Variants in ZNF107 observed in about 807,000 individuals in gnomAD.
The protein encoded by ZNF107 is C2H2 type zinc-finger protein.
ZNF107 carries 19 observed loss-of-function variants against 12.3 expected under a neutral mutation model. The ratio of observed to expected loss-of-function variants is 1.55; its 90% CI spans 1.08 to 2.27. ZNF107 has a LOEUF of 2.27. Ranked by LOEUF, ZNF107 falls within the 30% of genes most tolerant of loss-of-function variation. The probability of loss-of-function intolerance (pLI) is 0.00; values close to 1 mark genes in which losing one functional copy is unlikely to be tolerated. For synonymous variants in ZNF107, 317 were observed against 330.5 expected (o/e 0.96, Z 0.44); for missense variants, 958 against 979.9 (o/e 0.98, Z 0.30).
chr7:64,686,861 G>C, intron 1 of ZNF107: 1 of 982,020 alleles, frequency 1.0e-6, no homozygotes, highest in Non-Finnish European at 1.2e-6. Flanking sequence ...TAACACCCAA[G>C]TGAATAAACG....
Position 64,710,495 on chromosome 7 carries a change from T to C in ZNF107, c.*1839T>C, listed in dbSNP as rs934025122. On this transcript the variant is annotated 3_prime_UTR_variant, in exon 4 of 4. Transcript: ENST00000620827. ...ATCTAAGGTACTGACACTTCAGACA[T>C]TGCTGAGTATAGAATCAGAATGCTG... 2 of 152,182 alleles carry C rather than the reference T, an allele frequency of 1.3e-5. No homozygotes were observed. The highest frequency in any genetic ancestry group is 4.8e-5 in the African/African-American group (2 of 41,458). The allele number at this position is 152,182 out of a possible 1,614,324, so 9.4% of individuals were successfully genotyped here.
chr7:64,671,780 T>C (rs983805167), intron 1 of ZNF107, among the ~76,000 whole-genome samples: 1 of 109,688 alleles, frequency 9.1e-6, no homozygotes, highest in Non-Finnish European at 1.8e-5. Context: ...CTTTTTGTTC[T>C]TTTTTTTTTT....
At position 64,707,105 on chromosome 7, in the gene ZNF107, TG is replaced by T; in HGVS notation, c.1012del (p.Glu338ArgfsTer45). The part of the protein sequence containing the change: ...NLTNHKRIHA[G>X]EKPYKCKECG... ...TTACTAACCATAAGAGAATTCATGC[TG>T]GGGAGAAACCCTACAAATGTAAAGA... is the stretch of plus-strand genomic sequence containing the variant. On this transcript the variant is annotated frameshift_variant, in exon 4 of 4. Coordinates refer to ENST00000620827, the MANE Select transcript of ZNF107 (RefSeq NM_001282359.2). LOFTEE classifies it low-confidence loss of function (END_TRUNC). 2 of 1,612,626 alleles carry T rather than the reference TG, an allele frequency of 1.2e-6. No homozygotes were observed. Among genetic ancestry groups the T allele is most frequent in the Non-Finnish European group, 1.7e-6 (2 of 1,179,528 alleles).
intron 1 of ZNF107, chr7:64,679,053 T>C (rs1161414017): frequency 6.2e-6 from 1 of 162,346 alleles, no homozygotes; most frequent in Non-Finnish European, 1.3e-5. Flanking sequence ...GAACCTTACT[T>C]TGTGTTATGG....
rs1004013629 is a variant in ZNF107 at position 64,699,470 on chromosome 7, G to C, written c.227-6854G>C. ...GGATCTTACTCTCACCCAGGCTAAA[G>C]TGCAGTGGTATGATGGCATGACTGG... On this transcript the variant is annotated intron_variant, in intron 3 of 3. Transcript: ENST00000620827. Among the ~76,000 whole-genome samples the C allele has an allele frequency of 3.3e-5, 5 of 152,154 alleles. No individual in the cohort carries two copies. The South Asian group carries it at 1.0e-3, about 32-fold the overall frequency.
chr7:64,707,256 C>G lies in ZNF107; in HGVS notation c.1159C>G (p.His387Asp). Residue 387 changes from histidine (H) to aspartate (D), a missense_variant, in exon 4 of 4, where the codon CAT becomes GAT. Coordinates refer to ENST00000620827, the MANE Select transcript of ZNF107 (RefSeq NM_001282359.2). ...TAACCGATCCTTAAAACTTACTGCA[C>G]ATAAGAAAATTCTAATGGAAGAGAA... ...AFNRSLKLTA[H>D]KKILMEEKPY... The G allele has an allele frequency of 1.2e-6, 2 of 1,613,206 alleles. No individual in the cohort carries two copies. Among genetic ancestry groups the G allele is most frequent in the Non-Finnish European group, 1.7e-6 (2 of 1,179,706 alleles).
chr7:64,682,602 C>T (rs1036009796), intron 1 of ZNF107, among the ~76,000 whole-genome samples: 3 of 152,178 alleles, frequency 2.0e-5, no homozygotes, highest in Admixed American at 6.5e-5. Flanking sequence ...GCCAGGCCCA[C>T]GACCAGTGGC....
chr7:64,668,402 C>G (rs973212670), intron 1 of ZNF107, among the ~76,000 whole-genome samples: 13 of 144,354 alleles, frequency 9.0e-5, no homozygotes, highest in Non-Finnish European at 1.0e-4. Flanking sequence ...TGAGAACATG[C>G]GGTGTTTGGT....
At chr7:64,684,636 C>T in intron 1 of ZNF107, 3 of 985,420 alleles carry the variant, frequency 3.0e-6, no homozygotes, top group Non-Finnish European at 3.6e-6. Context: ...CGCCCTGCTT[C>T]TTCACCCTCT....
At chr7:64,667,689 G>A (rs1384559861) in intron 1 of ZNF107, among the ~76,000 whole-genome samples, 1 of 152,204 alleles carries the variant, frequency 6.6e-6, no homozygotes, top group African/African-American at 2.4e-5. Context: ...GGGAGACAGA[G>A]GACAATCTGA....
Position 64,709,445 on chromosome 7 carries a change from G to T in ZNF107, c.*789G>T. On this transcript the variant is annotated 3_prime_UTR_variant, in exon 4 of 4. Transcript: ENST00000620827. ...ACCTCACTAAACATAAGATAATACT[G>T]AAAACTTTACAAACCTGAATGATGT... The T allele has an allele frequency of 2.9e-6, 1 of 343,308 alleles. No individual in the cohort carries two copies. 21.3% of individuals were successfully genotyped at this position (343,308 alleles called of 1,614,324 possible).
intron 3 of ZNF107, among the ~76,000 whole-genome samples, chr7:64,703,564 G>A (rs148212585): frequency 1.2e-4 from 18 of 152,106 alleles, no homozygotes; most frequent in African/African-American, 4.1e-4. Flanking sequence ...TGAGTAGCTG[G>A]GATTACAGGC....
Position 64,706,588 on chromosome 7 carries a change from A to G in ZNF107, c.491A>G (p.Lys164Arg). The G allele has an allele frequency of 1.2e-6, 2 of 1,611,782 alleles. No homozygotes were observed. Among genetic ancestry groups the G allele is most frequent in the Non-Finnish European group, 1.7e-6 (2 of 1,179,258 alleles). ...AAATTTTCAAATTCAAATAGATATA[A>G]GAGAAGACATACAGGAAACAAACAC... ...FDKFSNSNRY[K>R]RRHTGNKHFK... The change falls in exon 4 of 4, where the codon AAG becomes AGG. Residue 164 changes from lysine (K) to arginine (R), a missense_variant. Lys to Arg is a conservative substitution (Grantham distance 26). Coordinates refer to ENST00000620827, the MANE Select transcript of ZNF107 (RefSeq NM_001282359.2).
intron 3 of ZNF107, among the ~76,000 whole-genome samples, chr7:64,692,776 G>T (rs1285008806): frequency 1.3e-5 from 2 of 151,970 alleles, no homozygotes; most frequent in Admixed American, 1.3e-4. Flanking sequence ...ATAGGATTGT[G>T]TTCTTCCTCT....
At chr7:64,693,085 G>C (rs1584481587) in intron 3 of ZNF107, among the ~76,000 whole-genome samples, 1 of 151,464 alleles carries the variant, frequency 6.6e-6, no homozygotes, top group African/African-American at 2.4e-5. Flanking sequence ...TGCAAACTCT[G>C]CCTCCCGGGT....
rs1486228997 is a variant in ZNF107, at chr7:64,707,028, A to C, written c.931A>C (p.Asn311His). 2.5e-5 allele frequency: 40 copies of C among 1,613,184 alleles called. No individual in the cohort carries two copies. Among genetic ancestry groups the C allele is most frequent in the Non-Finnish European group, 3.3e-5 (39 of 1,179,724 alleles). Reference protein sequence around the residue: ...TTQKILHTGENLYKCKECGKA... With the variant: ...TTQKILHTGEHLYKCKECGKA... The stretch of plus-strand genomic sequence containing the variant: ...ACAAAAGATACTTCACACTGGAGAG[A>C]ACCTCTACAAGTGTAAAGAATGTGG... Residue 311 changes from asparagine (N) to histidine (H), a missense_variant, in exon 4 of 4, where the codon AAC becomes CAC. Transcript: ENST00000620827.
At chr7:64,694,633 C>A (rs1331289442) in intron 3 of ZNF107, among the ~76,000 whole-genome samples, 1 of 151,864 alleles carries the variant, frequency 6.6e-6, no homozygotes, top group East Asian at 1.9e-4. Context: ...TACCATTTAG[C>A]TGTCATCGCA....
chr7:64,709,112 G>T lies in ZNF107; in HGVS notation c.*456G>T. ...ACCTTACTATACAGAAATTCATACT[G>T]GAGAGAAAGCCTACAATTGTGAAGA... On this transcript the variant is annotated 3_prime_UTR_variant, in exon 4 of 4. Coordinates refer to ENST00000620827, the MANE Select transcript of ZNF107 (RefSeq NM_001282359.2). 2.1e-6 allele frequency: 1 copy of T among 465,418 alleles called. No individual in the cohort carries two copies. The highest frequency in any genetic ancestry group is 1.7e-5 in the South Asian group (1 of 60,512). 28.8% of individuals were successfully genotyped at this position (465,418 alleles called of 1,614,324 possible). A position where few individuals can be genotyped will look rare whatever the true frequency, so the allele number is the denominator to read the frequency against.
At chr7:64,687,608 G>T (rs1789967478) in intron 1 of ZNF107, 1 of 977,536 alleles carries the variant, frequency 1.0e-6, no homozygotes, top group South Asian at 4.7e-5. Flanking sequence ...TGTGAAAAGT[G>T]TATTTTGTCA....
Sources: allele counts gnomAD v4.1 joint callset (sites outside exome capture counted in the v4.1 genomes callset), GRCh38; gene constraint gnomAD v4.1.1; transcripts MANE v1.5; gene names NCBI Gene and HGNC (gene_info 2026-07-23, HGNC 2026-07-21).